SORCS2: variants seen among roughly 807,000 people sequenced by gnomAD.
The protein encoded by SORCS2 is VPS10 domain-containing receptor SorCS2.
Under a neutral mutation model 141.6 loss-of-function variants are expected in SORCS2, and 100 were observed. That is an observed-to-expected ratio of 0.71 (90% CI 0.60 to 0.83). The LOEUF (loss-of-function observed/expected upper bound fraction) is 0.83. SORCS2 is among the 40% of genes least tolerant of loss of function. The pLI is 0.00. For missense variants in SORCS2, 1,646 were observed against 1,560.2 expected, an observed-to-expected ratio of 1.05 and a Z score of -0.93; for synonymous variants, 789 against 676.9, an observed-to-expected ratio of 1.17 and a Z score of -2.57.
chr4:7,504,668 A>G (rs1732170734), intron 2 of SORCS2, among the ~76,000 whole-genome samples: 1 of 152,162 alleles, frequency 6.6e-6, no homozygotes, highest in African/African-American at 2.4e-5. Flanking sequence ...GAGGGCTCTG[A>G]GCTTGTTAAA....
Position 7,531,509 on chromosome 4 carries a change from GCTGTCCCCCTTTT to G in SORCS2, c.549-19_549-7del. ...ACACTTGGAGGGTACATGGCTGACG[GCTGTCCCCCTTTT>G]CCCCCAGGTCATCAGATTTCGGGAC... On this transcript the variant is annotated splice_polypyrimidine_tract_variant and splice_region_variant and intron_variant, in intron 2 of 26. Coordinates refer to ENST00000507866, the MANE Select transcript of SORCS2 (RefSeq NM_020777.3). 6.2e-7 allele frequency: 1 copy of G among 1,610,152 alleles called. No homozygotes were observed. The highest frequency in any genetic ancestry group is 8.5e-7 in the Non-Finnish European group (1 of 1,177,224).
chr4:7,525,460 C>T (rs550017978), intron 2 of SORCS2, among the ~76,000 whole-genome samples: 4 of 152,022 alleles, frequency 2.6e-5, no homozygotes, highest in East Asian at 1.9e-4. Flanking sequence ...ACCCCCCAAC[C>T]GTGCTTCACC....
At chr4:7,457,931 C>G (rs551920111) in intron 2 of SORCS2, among the ~76,000 whole-genome samples, 1 of 151,842 alleles carries the variant, frequency 6.6e-6, no homozygotes, top group Non-Finnish European at 1.5e-5. Context: ...ACCACTAGCC[C>G]GAGAGGCTGC....
At chr4:7,581,274 CCTCA>C (rs1311627347) in intron 3 of SORCS2, among the ~76,000 whole-genome samples, 1 of 151,602 alleles carries the variant, frequency 6.6e-6, no homozygotes, top group Non-Finnish European at 1.5e-5. Context: ...AGAGGCTCAG[CCTCA>C]CTCTTAATGA....
chr4:7,274,851 G>T (rs1427615291), intron 1 of SORCS2, among the ~76,000 whole-genome samples: 1 of 152,134 alleles, frequency 6.6e-6, no homozygotes, highest in Non-Finnish European at 1.5e-5. Flanking sequence ...AGGGAGATGG[G>T]GAGTCTTGGG....
intron 3 of SORCS2, among the ~76,000 whole-genome samples, chr4:7,553,615 C>G (rs871942): frequency 0.66 from 100,875 of 152,114 alleles, 35,669 homozygotes; most frequent in East Asian, 0.9. Context: ...GAGTGAGGCT[C>G]CATGTGGGGA....
chr4:7,682,998 C>G (rs754431204), intron 10 of SORCS2, 109 bp downstream of exon 10: 1 of 1,321,292 alleles, frequency 7.6e-7, no homozygotes, highest in Non-Finnish European at 1.0e-6. Context: ...CCATCTGAGA[C>G]ACATGAACCA....
At chr4:7,246,105 G>A (rs1713064553) in intron 1 of SORCS2, among the ~76,000 whole-genome samples, 1 of 152,232 alleles carries the variant, frequency 6.6e-6, no homozygotes, top group Admixed American at 6.5e-5. Context: ...ATGCAACTTA[G>A]CAGTCATTCC....
intron 3 of SORCS2, among the ~76,000 whole-genome samples, chr4:7,539,147 AC>A (rs1403704327): frequency 2.6e-5 from 4 of 151,696 alleles, no homozygotes; most frequent in Non-Finnish European, 5.9e-5. Context: ...CCCTGTCACC[AC>A]CCCCCAAAGC....
chr4:7,447,063 T>C (rs1376812780), intron 2 of SORCS2, among the ~76,000 whole-genome samples: 1 of 152,242 alleles, frequency 6.6e-6, no homozygotes, highest in Non-Finnish European at 1.5e-5. Context: ...TCACCTTTAC[T>C]GACAAGTACT....
At chr4:7,308,537 C>T (rs1158549244) in intron 1 of SORCS2, among the ~76,000 whole-genome samples, 1 of 152,146 alleles carries the variant, frequency 6.6e-6, no homozygotes, top group Non-Finnish European at 1.5e-5. Flanking sequence ...TGGCCTGTTA[C>T]ACTGAGCACT....
Position 7,544,019 on chromosome 4 carries a change from TCCATCCATCCAGCCACCCAC to T in SORCS2, c.648+12422_648+12441del, listed in dbSNP as rs1261364576. ...ACTCATCCATCCATCCATCCACCCA[TCCATCCATCCAGCCACCCAC>T]CCATCCATCCAGCCACCCACCCATC... On this transcript the variant is annotated intron_variant, in intron 3 of 26. Coordinates refer to ENST00000507866, the MANE Select transcript of SORCS2 (RefSeq NM_020777.3). Among the ~76,000 whole-genome samples, 157 of 128,454 alleles carry T rather than the reference TCCATCCATCCAGCCACCCAC, an allele frequency of 1.2e-3. 4 individuals carry two copies. Among genetic ancestry groups the T allele is most frequent in the African/African-American group, 4.6e-3 (154 of 33,668 alleles). The allele number at this position is 128,454 out of a possible 152,430, so 84.3% of individuals were successfully genotyped here.
chr4:7,685,377 A>C (rs78462953), intron 10 of SORCS2, among the ~76,000 whole-genome samples: 4,358 of 152,284 alleles, frequency 0.029, 103 homozygotes, highest in Middle Eastern at 0.058. Flanking sequence ...CAGACATCAA[A>C]TTACAGCCTC....
chr4:7,328,288 G>A (rs113527696), intron 1 of SORCS2, among the ~76,000 whole-genome samples: 1 of 150,620 alleles, frequency 6.6e-6, no homozygotes, highest in Non-Finnish European at 1.5e-5. Context: ...CACCCACCTT[G>A]GCCTCCCAAA....
chr4:7,512,243 G>A (rs1732703202), intron 2 of SORCS2, among the ~76,000 whole-genome samples: 1 of 152,000 alleles, frequency 6.6e-6, no homozygotes, highest in African/African-American at 2.4e-5. Flanking sequence ...AGGCATCTCT[G>A]TGGCCGCATC....
At chr4:7,511,032 T>C (rs1214400555) in intron 2 of SORCS2, among the ~76,000 whole-genome samples, 6 of 152,146 alleles carry the variant, frequency 3.9e-5, no homozygotes, top group Admixed American at 2.6e-4. Context: ...TCCCCAGACC[T>C]TTCTGTTGTG....
intron 1 of SORCS2, among the ~76,000 whole-genome samples, chr4:7,364,009 C>T (rs959170013): frequency 8.0e-6 from 1 of 125,058 alleles, no homozygotes; most frequent in African/African-American, 3.4e-5. Flanking sequence ...TCATCACCAT[C>T]ACCACCATTG....
intron 2 of SORCS2, chr4:7,433,350 C>T (rs1044660420): frequency 2.6e-5 from 37 of 1,434,690 alleles, no homozygotes; most frequent in Non-Finnish European, 3.2e-5. Context: ...GCATCTCTTT[C>T]CATACATGCT....
intron 8 of SORCS2, among the ~76,000 whole-genome samples, chr4:7,671,352 ATAAAT>A (rs1408172659): frequency 1.3e-5 from 2 of 150,884 alleles, no homozygotes; most frequent in Non-Finnish European, 2.9e-5. Context: ...GAAAAAAAAA[ATAAAT>A]TAACATAAAC....
Sources: allele counts gnomAD v4.1 joint callset (sites outside exome capture counted in the v4.1 genomes callset), GRCh38; gene constraint gnomAD v4.1.1; transcripts MANE v1.5; gene names NCBI Gene and HGNC (gene_info 2026-07-23, HGNC 2026-07-21).